The following DONSON variants were observed in gnomAD, a reference collection of about 807,000 sequenced individuals.
The protein encoded by DONSON is DNA replication fork stabilization factor DONSON.
DONSON carries 43 observed loss-of-function variants against 62.1 expected under a neutral mutation model. That is an observed-to-expected ratio of 0.69 (90% CI 0.54 to 0.89). DONSON has a LOEUF of 0.89. DONSON is among the 40% of genes least tolerant of loss of function. The pLI is 0.00. For missense variants in DONSON, 696 were observed against 697.5 expected (o/e 1.00, Z 0.03); for synonymous variants, 266 against 264.6 (o/e 1.01, Z -0.05).
rs2276225 is a variant in DONSON at position 33,586,299 on chromosome 21, A to G, written c.403-118T>C. The G allele has an allele frequency of 3.9e-4, 333 of 846,136 alleles. 2 individuals are homozygous for G. The East Asian group carries it at 8.5e-3, about 22-fold the overall frequency. 52.4% of individuals were successfully genotyped at this position (846,136 alleles called of 1,614,324 possible). ...AAAAATCATATAAGCTGTATAATAAATAACATGAAAAATACATTACACACT... is the reference window on the plus strand; with the variant it reads ...AAAAATCATATAAGCTGTATAATAAGTAACATGAAAAATACATTACACACT... On this transcript the variant is annotated intron_variant, in intron 2 of 9. Transcript: ENST00000303071.
At position 33,581,316 on chromosome 21, in the gene DONSON, T is replaced by C. The variant is rs1009084664; in HGVS notation, c.1336A>G (p.Met446Val). Residue 446 changes from methionine (M) to valine (V), a missense_variant, in exon 8 of 10, where the codon ATG (methionine) becomes GTG (valine). Met to Val is a conservative substitution (Grantham distance 21). Coordinates refer to ENST00000303071, the MANE Select transcript of DONSON (RefSeq NM_017613.4). The part of the protein sequence containing the change: ...LSPVAFRGAT[M>V]QMLKARSVNV... ...ACTTTTATTACCTTAAGCATTTGCA[T>C]TGTGGCACCTCGGAAAGCAACAGGG... The C allele has an allele frequency of 8.1e-6, 13 of 1,614,032 alleles. No individual in the cohort carries two copies. The highest frequency in any genetic ancestry group is 1.6e-4 in the Middle Eastern group (1 of 6,064).
At chr21:33,582,772 G>A (rs1569075673) in intron 5 of DONSON, among the ~76,000 whole-genome samples, 1 of 152,138 alleles carries the variant, frequency 6.6e-6, no homozygotes, top group African/African-American at 2.4e-5. Context: ...AGCAGGAGGT[G>A]AGCGACTGTC....
At chr21:33,579,151 ATTGTAC>A (rs961196354) in intron 9 of DONSON, among the ~76,000 whole-genome samples, 193 bp downstream of exon 9, 6 of 152,138 alleles carry the variant, frequency 3.9e-5, no homozygotes, top group East Asian at 3.9e-4. Flanking sequence ...AAAAAAAAAA[ATTGTAC>A]TTGGACTGAA....
chr21:33,585,244 A>G (rs2086564319), intron 3 of DONSON, among the ~76,000 whole-genome samples: 1 of 152,158 alleles, frequency 6.6e-6, no homozygotes, highest in African/African-American at 2.4e-5. Context: ...TTTTTTTAAG[A>G]TAGTCTCACT....
chr21:33,584,014 T>TTATATATATATATA (rs57309977), intron 4 of DONSON, among the ~76,000 whole-genome samples: 73 of 121,538 alleles, frequency 6.0e-4, no homozygotes, highest in African/African-American at 1.6e-3. Context: ...GGCTGCGTGT[T>TTATATATATATATA]TATATATATA....
At position 33,577,600 on chromosome 21, in the gene DONSON, CCCCTACACACACACACACACACACACA is replaced by C. The variant is rs2086431594; in HGVS notation, c.*680_*706del. 1 of 123,474 alleles carries C rather than the reference CCCCTACACACACACACACACACACACA, an allele frequency of 8.1e-6. No individual in the cohort carries two copies. Among genetic ancestry groups the C allele is most frequent in the African/African-American group, 3.2e-5 (1 of 31,616 alleles). 7.6% of individuals were successfully genotyped at this position (123,474 alleles called of 1,614,324 possible). On this transcript the variant is annotated 3_prime_UTR_variant, in exon 10 of 10. Transcript: ENST00000303071. The stretch of plus-strand genomic sequence containing the variant: ...TTAAAAATGTGAATTATACAGTCCC[CCCCTACACACACACACACACACACACA>C]CACACACACACACACACACACACAC...
At chr21:33,582,365 T>C (rs1222183144) in intron 5 of DONSON, 119 bp from the exon 6 acceptor site, 1 of 771,000 alleles carries the variant, frequency 1.3e-6, no homozygotes, top group Non-Finnish European at 2.1e-6. Context: ...ATTAAGGCAG[T>C]AGAGTTTTCA....
intron 9 of DONSON, 55 bp downstream of exon 9, chr21:33,579,295 C>A: frequency 1.5e-6 from 2 of 1,350,340 alleles, no homozygotes; most frequent in Non-Finnish European, 2.0e-6. Flanking sequence ...AATTTCCCTC[C>A]AGCTAGTTTG....
At chr21:33,587,889 T>A (rs2086596789) in intron 1 of DONSON, among the ~76,000 whole-genome samples, 1 of 152,088 alleles carries the variant, frequency 6.6e-6, no homozygotes. Flanking sequence ...CATTCCCCCA[T>A]CTCCAGAATA....
intron 2 of DONSON, among the ~76,000 whole-genome samples, chr21:33,586,391 G>T (rs1267266329): frequency 6.6e-6 from 1 of 152,144 alleles, no homozygotes; most frequent in Non-Finnish European, 1.5e-5. Context: ...GCGGGAATTT[G>T]TTGTTGGGGG....
Position 33,578,282 on chromosome 21 carries a change from A to G in DONSON, c.*25T>C, listed in dbSNP as rs1569073664. ...TGCTAGAAGGCTTTTTTCCTCAAAG[A>G]TTCCTTTTAGGCTTACTTTGGTGTT... is the stretch of plus-strand genomic sequence containing the variant. On this transcript the variant is annotated 3_prime_UTR_variant, in exon 10 of 10. Coordinates refer to ENST00000303071, the MANE Select transcript of DONSON (RefSeq NM_017613.4). 4 of 1,595,246 alleles carry G rather than the reference A, an allele frequency of 2.5e-6. No homozygotes were observed. Among genetic ancestry groups the G allele is most frequent in the South Asian group, 1.1e-5 (1 of 88,090 alleles).
intron 8 of DONSON, among the ~76,000 whole-genome samples, chr21:33,579,933 G>A (rs1019123534): frequency 3.3e-5 from 5 of 152,110 alleles, no homozygotes; most frequent in African/African-American, 1.2e-4. Context: ...AATTTATTAT[G>A]ATTATAATCC....
In DONSON at chr21:33,579,580, G is replaced by C. The variant is rs2086482179; in HGVS notation, c.1351-18C>G. The C allele has an allele frequency of 6.2e-7, 1 of 1,603,480 alleles. No individual in the cohort carries two copies. The highest frequency in any genetic ancestry group is 8.5e-7 in the Non-Finnish European group (1 of 1,172,430). On this transcript the variant is annotated intron_variant, in intron 8 of 9. Transcript: ENST00000303071. ...CTCCGTGCCTTCATGAAAATGTAAA[G>C]AAAAGGAAAATTAAGATCATCTCTC... is the stretch of plus-strand genomic sequence containing the variant.
chr21:33,583,695 AT>A (rs772160633), intron 4 of DONSON, 29 bp from the exon 5 acceptor site: 1 of 1,506,454 alleles, frequency 6.6e-7, no homozygotes, highest in Non-Finnish European at 9.0e-7. Context: ...TTCTTAAGGT[AT>A]TATTAAACAT....
At position 33,588,428 on chromosome 21, in the gene DONSON, GGCC is replaced by G. The variant is rs1289895610; in HGVS notation, c.211_213del (p.Gly71del). 1.5e-6 allele frequency: 2 copies of G among 1,308,876 alleles called. No individual in the cohort carries two copies. The highest frequency in any genetic ancestry group is 3.6e-5 in the Admixed American group (1 of 28,148). The allele number at this position is 1,308,876 out of a possible 1,614,324, so 81.1% of individuals were successfully genotyped here. ...AAGGGGTTCCTCCGAGCAGCGGCCG[GGCC>G]GCCGCCGCTGCCACCGCCTCTGCCC... On this transcript the variant is annotated inframe_deletion, in exon 1 of 10. Transcript: ENST00000303071.
intron 3 of DONSON, among the ~76,000 whole-genome samples, chr21:33,585,325 A>G (rs1021306014): frequency 2.0e-5 from 3 of 151,680 alleles, no homozygotes; most frequent in African/African-American, 7.3e-5. Flanking sequence ...GGCTTAAACA[A>G]TCCTCCTACC....
chr21:33,581,670 A>C (rs1258529627), intron 7 of DONSON, among the ~76,000 whole-genome samples, 170 bp from the exon 8 acceptor site: 1 of 152,252 alleles, frequency 6.6e-6, no homozygotes, highest in East Asian at 1.9e-4. Flanking sequence ...AAATGTTAAC[A>C]ATCTGAATTT....
chr21:33,581,560 A>C (rs199575906), intron 7 of DONSON, 60 bp from the exon 8 acceptor site: 1 of 1,438,628 alleles, frequency 7.0e-7, no homozygotes, highest in African/African-American at 1.4e-5. Flanking sequence ...GAAAGCAGTT[A>C]TCTTGATTCT....
At chr21:33,584,108 G>A (rs1249392815) in intron 4 of DONSON, among the ~76,000 whole-genome samples, 4 of 146,740 alleles carry the variant, frequency 2.7e-5, no homozygotes, top group East Asian at 4.0e-4. Context: ...GCAGTGGCGC[G>A]ATCTCGGCTC....
Sources: allele counts gnomAD v4.1 joint callset (sites outside exome capture counted in the v4.1 genomes callset), GRCh38; gene constraint gnomAD v4.1.1; transcripts MANE v1.5; gene names NCBI Gene and HGNC (gene_info 2026-07-23, HGNC 2026-07-21).